Variants in BCLAF1 observed in about 807,000 individuals in gnomAD.
BCLAF1 encodes BCL2 associated transcription factor 1.
BCLAF1 carries 10 observed loss-of-function variants against 99.5 expected under a neutral mutation model. That is an observed-to-expected ratio of 0.10 (90% CI 0.06 to 0.17). BCLAF1 has a LOEUF of 0.17. Among genes scored for constraint, BCLAF1 ranks in the 10% least tolerant of loss-of-function variants. The probability of loss-of-function intolerance (pLI) is 1.00; values close to 1 mark genes in which losing one functional copy is unlikely to be tolerated. For synonymous variants in BCLAF1, 255 were observed against 370.9 expected (o/e 0.69, Z 3.59); for missense variants, 636 against 1,105.8 (o/e 0.58, Z 6.02).
At chr6:136,288,028 G>A (rs1785392230) in intron 1 of BCLAF1, among the ~76,000 whole-genome samples, 2 of 152,128 alleles carry the variant, frequency 1.3e-5, no homozygotes, top group Non-Finnish European at 2.9e-5. Flanking sequence ...TCAAGAATCA[G>A]TCAATCAACC....
At chr6:136,286,057 C>T (rs1785085925) in intron 1 of BCLAF1, among the ~76,000 whole-genome samples, 1 of 152,110 alleles carries the variant, frequency 6.6e-6, no homozygotes, top group African/African-American at 2.4e-5. Flanking sequence ...CAAGATTGCA[C>T]CACTGCACTC....
At chr6:136,286,926 C>T (rs1229638089) in intron 1 of BCLAF1, among the ~76,000 whole-genome samples, 3 of 152,114 alleles carry the variant, frequency 2.0e-5, no homozygotes, top group African/African-American at 4.8e-5. Context: ...CATGATCATG[C>T]CACTGCACTC....
At chr6:136,279,247 C>T (rs1226217508) in intron 3 of BCLAF1, among the ~76,000 whole-genome samples, 3 of 152,068 alleles carry the variant, frequency 2.0e-5, no homozygotes, top group Admixed American at 2.0e-4. Context: ...TGAGCATCAA[C>T]TACTATTAAT....
At chr6:136,277,724 T>C (rs1253820119) in intron 4 of BCLAF1, 141 bp downstream of exon 4, 3 of 1,127,748 alleles carry the variant, frequency 2.7e-6, no homozygotes, top group African/African-American at 1.6e-5. Flanking sequence ...TAAAAACAAT[T>C]TGGAATTATC....
Position 136,268,309 on chromosome 6 carries a change from T to G in BCLAF1, c.2250A>C (p.Arg750=), listed in dbSNP as rs763779271. 1.2e-6 allele frequency: 2 copies of G among 1,607,136 alleles called. No individual in the cohort carries two copies. Among genetic ancestry groups the G allele is most frequent in the Admixed American group, 1.7e-5 (1 of 58,460 alleles). Residue 750 remains arginine, a synonymous_variant, in exon 10 of 13, where the codon CGA becomes CGC. Coordinates refer to ENST00000531224, the MANE Select transcript of BCLAF1 (RefSeq NM_014739.3). ...AAGGTGATGCTGAAGAGGATGAAGA[T>G]CGAGAATGATCTTGCTCTCTTTTAT... The part of the protein sequence containing the change: ...SKHKREQDHS[R]SSSSSASPSS...
At chr6:136,278,842 T>C in intron 3 of BCLAF1, 66 bp from the exon 4 acceptor site, 3 of 1,357,950 alleles carry the variant, frequency 2.2e-6, no homozygotes, top group Non-Finnish European at 2.9e-6. Context: ...CTAAATACTC[T>C]GGTTGAATAT....
chr6:136,264,735 C>G (rs2128468091), intron 11 of BCLAF1, among the ~76,000 whole-genome samples: 1 of 152,162 alleles, frequency 6.6e-6, no homozygotes, highest in South Asian at 2.1e-4. Context: ...TAAGTAAAAA[C>G]CAAAATAATT....
At chr6:136,287,755 C>T (rs1185702867) in intron 1 of BCLAF1, among the ~76,000 whole-genome samples, 2 of 152,160 alleles carry the variant, frequency 1.3e-5, no homozygotes, top group Admixed American at 1.3e-4. Context: ...CGAGGCCAGG[C>T]GCAGGGGCTC....
chr6:136,288,938 G>A (rs577053637), intron 1 of BCLAF1, among the ~76,000 whole-genome samples: 4 of 152,272 alleles, frequency 2.6e-5, no homozygotes, highest in East Asian at 3.9e-4. Flanking sequence ...GCAGGGCCAC[G>A]CTCAGAACCA....
At chr6:136,271,626 ATTAAT>A (rs1311085214) in intron 8 of BCLAF1, among the ~76,000 whole-genome samples, 1 of 151,968 alleles carries the variant, frequency 6.6e-6, no homozygotes, top group East Asian at 1.9e-4. Context: ...ACCTAGAGAT[ATTAAT>A]TTAGACACAC....
At chr6:136,275,787 T>C (rs1783225825) in intron 5 of BCLAF1, 56 bp downstream of exon 5, 1 of 1,570,882 alleles carries the variant, frequency 6.4e-7, no homozygotes, top group East Asian at 2.2e-5. Flanking sequence ...TTTAAGATAA[T>C]TAACTGGAAT....
chr6:136,263,669 A>G (rs574128534), intron 11 of BCLAF1, among the ~76,000 whole-genome samples: 16 of 152,242 alleles, frequency 1.1e-4, no homozygotes, highest in Non-Finnish European at 2.4e-4. Context: ...TCACGTTTCA[A>G]AGGAATAATA....
intron 11 of BCLAF1, 43 bp downstream of exon 11, chr6:136,266,985 GA>G: frequency 6.2e-7 from 1 of 1,605,290 alleles, no homozygotes; most frequent in Non-Finnish European, 8.5e-7. Flanking sequence ...AGTATGCTTC[GA>G]AAATTAATGC....
At chr6:136,266,980 G>C (rs749188779) in intron 11 of BCLAF1, 49 bp downstream of exon 11, 2 of 1,600,332 alleles carry the variant, frequency 1.2e-6, no homozygotes, top group South Asian at 1.1e-5. Context: ...CACCTAGTAT[G>C]CTTCGAAAAT....
rs548620380 is a variant in BCLAF1, at chr6:136,285,902, A to T, written c.-114-3215T>A. Among the ~76,000 whole-genome samples the T allele has an allele frequency of 3.9e-5, 6 of 152,258 alleles. No individual in the cohort carries two copies. In the South Asian group the frequency reaches 1.2e-3, roughly 32 times the overall value. On this transcript the variant is annotated intron_variant, in intron 1 of 12. Coordinates refer to ENST00000531224, the MANE Select transcript of BCLAF1 (RefSeq NM_014739.3). The stretch of plus-strand genomic sequence containing the variant: ...ATCCTGAGGTTAGGAGTTTGAGACC[A>T]GCCTGGCCAACATGGTGAAACCCCG...
chr6:136,260,387 G>T lies in BCLAF1; in HGVS notation c.*723C>A. 6.6e-6 allele frequency: 1 copy of T among 152,016 alleles called. No individual in the cohort carries two copies. The allele number at this position is 152,016 out of a possible 1,614,324, so 9.4% of individuals were successfully genotyped here. A position where few individuals can be genotyped will look rare whatever the true frequency, so the allele number is the denominator to read the frequency against. The stretch of plus-strand genomic sequence containing the variant: ...TGACTCAAACTATCAAATAGGAATA[G>T]AAAGAGAACACACAGTTTTGAACGC... On this transcript the variant is annotated 3_prime_UTR_variant, in exon 13 of 13. Transcript: ENST00000531224.
At chr6:136,287,583 T>C (rs995213454) in intron 1 of BCLAF1, among the ~76,000 whole-genome samples, 2 of 152,222 alleles carry the variant, frequency 1.3e-5, no homozygotes, top group Admixed American at 1.3e-4. Context: ...CACAGCTGAA[T>C]TCAGCTAGTG....
chr6:136,284,374 G>A (rs1346242262), intron 1 of BCLAF1, among the ~76,000 whole-genome samples: 1 of 151,824 alleles, frequency 6.6e-6, no homozygotes, highest in Non-Finnish European at 1.5e-5. Context: ...AAATAAGTCA[G>A]TATCAAAGAC....
intron 2 of BCLAF1, 23 bp from the exon 3 acceptor site, chr6:136,279,899 A>G (rs187952231): frequency 3.5e-6 from 5 of 1,445,860 alleles, no homozygotes; most frequent in Middle Eastern, 2.1e-4. Context: ...TAGGGCAAAA[A>G]AAGGTTAAAA....
Sources: allele counts gnomAD v4.1 joint callset (sites outside exome capture counted in the v4.1 genomes callset), GRCh38; gene constraint gnomAD v4.1.1; transcripts MANE v1.5; gene names NCBI Gene and HGNC (gene_info 2026-07-23, HGNC 2026-07-21).